WNK2: variants seen among roughly 807,000 people sequenced by gnomAD.
WNK2 encodes WNK lysine deficient protein kinase 2.
Under a neutral mutation model 192.1 loss-of-function variants are expected in WNK2, and 67 were observed. The observed-to-expected ratio is 0.35, with a 90% CI of 0.29 to 0.43. WNK2 has a LOEUF of 0.43. Among genes scored for constraint, WNK2 ranks in the 20% least tolerant of loss-of-function variants. WNK2 has a pLI of 1.00. For missense variants in WNK2, 2,698 were observed against 3,089.7 expected, an observed-to-expected ratio of 0.87 and a Z score of 3.01; for synonymous variants, 1,439 against 1,393.9, an observed-to-expected ratio of 1.03 and a Z score of -0.72.
chr9:93,302,827 C>T (rs918834674), intron 26 of WNK2, among the ~76,000 whole-genome samples: 3 of 152,162 alleles, frequency 2.0e-5, no homozygotes, highest in African/African-American at 7.2e-5. Context: ...TGAGCTGGGC[C>T]CCTTGGCATA....
rs1848916352 is a variant in WNK2 at position 93,289,126 on chromosome 9, C to G, written c.4372C>G (p.Pro1458Ala). 6.2e-7 allele frequency: 1 copy of G among 1,603,466 alleles called. No individual in the cohort carries two copies. Among genetic ancestry groups the G allele is most frequent in the Admixed American group, 1.7e-5 (1 of 59,482 alleles). Residue 1458 changes from proline (P) to alanine (A), a missense_variant, in exon 20 of 30, where the codon CCA becomes GCA. Physicochemically the swap from Pro to Ala is conservative, Grantham distance 27. Coordinates refer to ENST00000427277, the MANE Select transcript of WNK2 (RefSeq NM_006648.4). ...PLVVGLAPCT[P>A]APEAASTRDA... is the part of the protein sequence containing the mutation. ...CGTGGTGGGCCTAGCACCTTGCACT[C>G]CAGCTCCAGAGGCTGCCTCAACCAG...
chr9:93,224,783 G>A (rs376100995), intron 2 of WNK2, among the ~76,000 whole-genome samples: 396 of 152,276 alleles, frequency 2.6e-3, no homozygotes, highest in African/African-American at 8.8e-3. Flanking sequence ...GGAGGGAGGG[G>A]CATCACATTG....
At chr9:93,253,948 G>A (rs2132681347) in intron 9 of WNK2, among the ~76,000 whole-genome samples, 1 of 152,270 alleles carries the variant, frequency 6.6e-6, no homozygotes, top group South Asian at 2.1e-4. Context: ...ATGGAGTCTT[G>A]CTCTGTTGCC....
rs189979240 is a variant in WNK2 at position 93,229,002 on chromosome 9, C to T, written c.682-694C>T. Among the ~76,000 whole-genome samples the T allele has an allele frequency of 1.3e-5, 2 of 152,146 alleles. No homozygotes were observed. The highest frequency in any genetic ancestry group is 4.8e-5 in the African/African-American group (2 of 41,502). On this transcript the variant is annotated intron_variant, in intron 2 of 29. Transcript: ENST00000427277. The surrounding 1 kb of genome is among the most constrained non-coding windows in gnomAD (Gnocchi z 4.9). ...TTCCCTTGTGGGATGGTGGGCAGAGCGGGCATGTGGTGCATGCACCTGACC... is the reference window on the plus strand; with the variant it reads ...TTCCCTTGTGGGATGGTGGGCAGAGTGGGCATGTGGTGCATGCACCTGACC...
chr9:93,280,576 AT>A (rs1847576517), intron 19 of WNK2, among the ~76,000 whole-genome samples: 2 of 152,232 alleles, frequency 1.3e-5, no homozygotes, highest in Non-Finnish European at 2.9e-5. Context: ...GTTATTGATA[AT>A]AGCCAAGACC....
At chr9:93,252,584 G>T (rs1024074832) in intron 8 of WNK2, among the ~76,000 whole-genome samples, 1 of 152,204 alleles carries the variant, frequency 6.6e-6, no homozygotes, top group African/African-American at 2.4e-5. Flanking sequence ...TGGAATGTGT[G>T]CTTGGTGCCC....
At chr9:93,264,113 G>A (rs1454345923) in intron 16 of WNK2, 80 bp downstream of exon 16, 47 of 1,109,448 alleles carry the variant, frequency 4.2e-5, no homozygotes, top group Non-Finnish European at 6.3e-5. Flanking sequence ...CAGGTCACAT[G>A]TCGAGCCTGG....
At chr9:93,220,250 G>A (rs1340957267) in intron 2 of WNK2, among the ~76,000 whole-genome samples, 4 of 152,172 alleles carry the variant, frequency 2.6e-5, no homozygotes, top group Non-Finnish European at 2.9e-5. Flanking sequence ...ACACAGATGG[G>A]GAGCTGAGCT....
chr9:93,188,548 AC>A (rs1829760820), intron 2 of WNK2, among the ~76,000 whole-genome samples: 1 of 152,158 alleles, frequency 6.6e-6, no homozygotes, highest in East Asian at 1.9e-4. Flanking sequence ...TCTTGAATAA[AC>A]TTTTATTCTT....
Position 93,191,433 on chromosome 9 carries a change from C to T in WNK2, c.681+5823C>T, listed in dbSNP as rs141546949. 3.0e-3 allele frequency among the ~76,000 whole-genome samples: 449 copies of T among 152,016 alleles called. 2 individuals are homozygous for T. Among genetic ancestry groups the T allele is most frequent in the Non-Finnish European group, 5.2e-3 (355 of 67,986 alleles). ...TACCATAGTGAGCAGGACAGGTCAC[C>T]GCCCTGGGAGACAGAGCCTGTGAGA... On this transcript the variant is annotated intron_variant, in intron 2 of 29. Coordinates refer to ENST00000427277, the MANE Select transcript of WNK2 (RefSeq NM_006648.4).
At chr9:93,189,819 C>T (rs1426258582) in intron 2 of WNK2, among the ~76,000 whole-genome samples, 3 of 152,230 alleles carry the variant, frequency 2.0e-5, no homozygotes, top group Non-Finnish European at 4.4e-5. Flanking sequence ...GGAGAGCCTG[C>T]GTGCTTTGCC....
At chr9:93,232,361 A>G (rs1489449854) in intron 4 of WNK2, among the ~76,000 whole-genome samples, 1 of 152,150 alleles carries the variant, frequency 6.6e-6, no homozygotes, top group Non-Finnish European at 1.5e-5. Context: ...CAGTTTCCCC[A>G]TCTGTGAAAT....
intron 29 of WNK2, chr9:93,318,538 G>A: frequency 6.2e-7 from 1 of 1,614,120 alleles, no homozygotes. Context: ...TGCCCCCCAT[G>A]CCAGTGGGCT....
At chr9:93,268,099 A>G in intron 18 of WNK2, 34 bp downstream of exon 18, 1 of 1,588,872 alleles carries the variant, frequency 6.3e-7, no homozygotes, top group Non-Finnish European at 8.6e-7. Flanking sequence ...GCTTTTAAGC[A>G]GGCGTTTGAT....
intron 2 of WNK2, among the ~76,000 whole-genome samples, chr9:93,220,164 C>T (rs889148273): frequency 1.3e-5 from 2 of 152,186 alleles, no homozygotes; most frequent in African/African-American, 2.4e-5. Context: ...CCAGAGCCCA[C>T]GAGGGTGTAC....
At chr9:93,235,321 C>A (rs1288863727) in intron 5 of WNK2, among the ~76,000 whole-genome samples, 3 of 152,214 alleles carry the variant, frequency 2.0e-5, no homozygotes, top group Non-Finnish European at 4.4e-5. Flanking sequence ...GCCTAGGCCA[C>A]CCATCCCCAG....
At position 93,239,234 on chromosome 9, in the gene WNK2, T is replaced by C. The variant is rs1013978510; in HGVS notation, c.1323-523T>C. Among the ~76,000 whole-genome samples the C allele has an allele frequency of 1.3e-5, 2 of 152,160 alleles. No individual in the cohort carries two copies. The highest frequency in any genetic ancestry group is 2.9e-5 in the Non-Finnish European group (2 of 68,026). On this transcript the variant is annotated intron_variant, in intron 6 of 29. Transcript: ENST00000427277. The surrounding 1 kb of genome is among the most constrained non-coding windows in gnomAD (Gnocchi z 4.2). ...CCCCCAGTTCTGCAGGTCCTCACTC[T>C]CCTCCAGCTCACCCTCTGCTCTGCT...
At chr9:93,210,144 A>C (rs1834237096) in intron 2 of WNK2, among the ~76,000 whole-genome samples, 1 of 152,148 alleles carries the variant, frequency 6.6e-6, no homozygotes, top group Non-Finnish European at 1.5e-5. Context: ...CGACGGCCTC[A>C]TGCACTGTCC....
Position 93,184,927 on chromosome 9 carries a change from G to T in WNK2, c.-2-1G>T. ...CGGGCCTGTGTGTCCTTGGCCCACAGAGATGGACGGCGATGGCGGCCGCCG... is the reference window on the plus strand; with the variant it reads ...CGGGCCTGTGTGTCCTTGGCCCACATAGATGGACGGCGATGGCGGCCGCCG... On this transcript the variant is annotated splice_acceptor_variant, in intron 1 of 29. Coordinates refer to ENST00000427277, the MANE Select transcript of WNK2 (RefSeq NM_006648.4). LOFTEE classifies it low-confidence loss of function (5UTR_SPLICE). The T allele has an allele frequency of 1.6e-6, 2 of 1,227,290 alleles. No homozygotes were observed. The highest frequency in any genetic ancestry group is 4.0e-5 in the South Asian group (1 of 25,228). 76.0% of individuals were successfully genotyped at this position (1,227,290 alleles called of 1,614,324 possible).
Sources: allele counts gnomAD v4.1 joint callset (sites outside exome capture counted in the v4.1 genomes callset), GRCh38; gene constraint gnomAD v4.1.1; non-coding constraint Gnocchi (gnomAD v3.1); transcripts MANE v1.5; gene names NCBI Gene and HGNC (gene_info 2026-07-23, HGNC 2026-07-21).